ZC3HAV1: variants seen among roughly 807,000 people sequenced by gnomAD.
ZC3HAV1 encodes zinc finger CCCH-type antiviral protein 1.
In ZC3HAV1, 41 loss-of-function variants were observed where a neutral mutation model predicts 86.6. The ratio of observed to expected loss-of-function variants is 0.47; its 90% CI spans 0.37 to 0.61. The LOEUF (loss-of-function observed/expected upper bound fraction) is 0.61, where lower values mean the gene tolerates loss of function less well. Among genes scored for constraint, ZC3HAV1 ranks in the 20% least tolerant of loss-of-function variants. The probability of loss-of-function intolerance (pLI) is 0.00; values close to 1 mark genes in which losing one functional copy is unlikely to be tolerated. For synonymous variants in ZC3HAV1, 421 were observed against 432.1 expected (o/e 0.97, Z 0.32); for missense variants, 964 against 1,141.1 (o/e 0.84, Z 2.24).
At chr7:139,048,467 A>T (rs1409776419) in intron 12 of ZC3HAV1, among the ~76,000 whole-genome samples, 1 of 151,990 alleles carries the variant, frequency 6.6e-6, no homozygotes, top group Non-Finnish European at 1.5e-5. Flanking sequence ...TTAGCCGGGC[A>T]TGGTGGCGTG....
chr7:139,053,507 C>A lies in ZC3HAV1; in HGVS notation c.2393G>T (p.Cys798Phe). The A allele has an allele frequency of 6.2e-7, 1 of 1,604,082 alleles. No individual in the cohort carries two copies. The highest frequency in any genetic ancestry group is 2.2e-5 in the East Asian group (1 of 44,598). Residue 798 changes from cysteine (C) to phenylalanine (F), a missense_variant, in exon 12 of 13, where the codon TGT becomes TTT. Cys to Phe is a radical substitution (Grantham distance 205). Coordinates refer to ENST00000242351, the MANE Select transcript of ZC3HAV1 (RefSeq NM_020119.4). ...TAGGAAACTGTCAAAATTATTCGAACAGATAGATTCCACATAGGCACGGCT... is the reference window on the plus strand; with the variant it reads ...TAGGAAACTGTCAAAATTATTCGAAAAGATAGATTCCACATAGGCACGGCT... ...ATSRAYVESICSNNFDSFLHE... is the reference protein window; with the variant it reads ...ATSRAYVESIFSNNFDSFLHE...
intron 1 of ZC3HAV1, among the ~76,000 whole-genome samples, chr7:139,101,978 T>G (rs897296343): frequency 1.3e-5 from 2 of 149,622 alleles, no homozygotes; most frequent in Non-Finnish European, 3.0e-5. Flanking sequence ...AATCCCCCTC[T>G]GTGAGAAACA....
chr7:139,079,380 C>T (rs1314445706), intron 4 of ZC3HAV1, 90 bp downstream of exon 4: 1 of 1,606,836 alleles, frequency 6.2e-7, no homozygotes, highest in African/African-American at 1.3e-5. Flanking sequence ...GTTTTTTCTA[C>T]ATCAGTAGTT....
chr7:139,055,985 A>G (rs1816269666), intron 9 of ZC3HAV1, among the ~76,000 whole-genome samples: 1 of 152,228 alleles, frequency 6.6e-6, no homozygotes, highest in Non-Finnish European at 1.5e-5. Context: ...TAAAAATAGG[A>G]CAATCAGACA....
chr7:139,059,155 C>G (rs1490975306), intron 9 of ZC3HAV1, among the ~76,000 whole-genome samples: 2 of 152,182 alleles, frequency 1.3e-5, no homozygotes, highest in Non-Finnish European at 2.9e-5. Context: ...TGAACAGCCC[C>G]TCCCCATCCT....
At chr7:139,082,320 C>T (rs948785020) in intron 3 of ZC3HAV1, among the ~76,000 whole-genome samples, 2 of 138,596 alleles carry the variant, frequency 1.4e-5, no homozygotes, top group African/African-American at 5.9e-5. Flanking sequence ...CTTAGGATGG[C>T]TATTATTAAA....
At chr7:139,095,531 G>A (rs1584870091) in intron 1 of ZC3HAV1, among the ~76,000 whole-genome samples, 1 of 152,338 alleles carries the variant, frequency 6.6e-6, no homozygotes, top group East Asian at 1.9e-4. Context: ...TAAGGCTGCA[G>A]CCACGGCAAG....
chr7:139,097,035 T>C (rs1817609581), intron 1 of ZC3HAV1, among the ~76,000 whole-genome samples: 1 of 151,364 alleles, frequency 6.6e-6, no homozygotes, highest in African/African-American at 2.4e-5. Context: ...GGTGGGAGGA[T>C]TGCTTGGTGG....
chr7:139,104,457 T>TAATC (rs978041853), intron 1 of ZC3HAV1, among the ~76,000 whole-genome samples: 16 of 152,208 alleles, frequency 1.1e-4, no homozygotes, highest in Admixed American at 1.0e-3. Context: ...CTCACGCCTG[T>TAATC]AATCCCAGCA....
At chr7:139,107,993 G>T (rs903437368) in intron 1 of ZC3HAV1, among the ~76,000 whole-genome samples, 2 of 152,170 alleles carry the variant, frequency 1.3e-5, no homozygotes, top group African/African-American at 4.8e-5. Context: ...GCCAAGAAGG[G>T]AAAGAGACTT....
At position 139,046,635 on chromosome 7, in the gene ZC3HAV1, C is replaced by T. The variant is rs1815961072; in HGVS notation, c.*959G>A. On this transcript the variant is annotated 3_prime_UTR_variant, in exon 13 of 13. Coordinates refer to ENST00000242351, the MANE Select transcript of ZC3HAV1 (RefSeq NM_020119.4). ...AGTCAACCTGGATGGAGTTTGTCCCCTAAATAAATGTAGCGATAAAGAAAA... is the reference window on the plus strand; with the variant it reads ...AGTCAACCTGGATGGAGTTTGTCCCTTAAATAAATGTAGCGATAAAGAAAA... The T allele has an allele frequency of 6.6e-6, 1 of 152,190 alleles. No individual in the cohort carries two copies. 9.4% of individuals were successfully genotyped at this position (152,190 alleles called of 1,614,324 possible). A position where few individuals can be genotyped will look rare whatever the true frequency, so the allele number is the denominator to read the frequency against.
Position 139,055,200 on chromosome 7 carries a change from A to C in ZC3HAV1, c.2187+5T>G. Reference sequence around the variant, plus strand: ...CTCATCCACCAAACATGTAAAACCAAGTACCTTATATTTCTTTGAGGATAG... The same window carrying C: ...CTCATCCACCAAACATGTAAAACCACGTACCTTATATTTCTTTGAGGATAG... On this transcript the variant is annotated splice_donor_5th_base_variant and intron_variant, in intron 10 of 12. Transcript: ENST00000242351. The C allele has an allele frequency of 6.2e-7, 1 of 1,611,648 alleles. No individual in the cohort carries two copies. Among genetic ancestry groups the C allele is most frequent in the Non-Finnish European group, 8.5e-7 (1 of 1,178,350 alleles).
At chr7:139,085,204 A>T (rs1320716553) in intron 2 of ZC3HAV1, among the ~76,000 whole-genome samples, 1 of 152,220 alleles carries the variant, frequency 6.6e-6, no homozygotes. Context: ...CTTCTGGATG[A>T]TTCTGATGTC....
At chr7:139,090,575 T>G (rs967817537) in intron 1 of ZC3HAV1, among the ~76,000 whole-genome samples, 2 of 152,246 alleles carry the variant, frequency 1.3e-5, no homozygotes, top group Non-Finnish European at 2.9e-5. Context: ...TGTTTTTTCC[T>G]ATCGTGAATT....
chr7:139,062,143 T>G (rs77772343), intron 8 of ZC3HAV1, among the ~76,000 whole-genome samples: 2,268 of 152,212 alleles, frequency 0.015, 59 homozygotes, highest in African/African-American at 0.051. Flanking sequence ...GATGGAAATG[T>G]TCTATATCCT....
chr7:139,088,217 T>C (rs548355209), intron 2 of ZC3HAV1, among the ~76,000 whole-genome samples: 2 of 152,298 alleles, frequency 1.3e-5, no homozygotes, highest in African/African-American at 2.4e-5. Flanking sequence ...CAGTATTCTC[T>C]GATCCTTAAG....
intron 5 of ZC3HAV1, among the ~76,000 whole-genome samples, chr7:139,077,622 C>G (rs142148243): frequency 1.2e-3 from 182 of 152,264 alleles, no homozygotes; most frequent in Middle Eastern, 0.01. Context: ...GCTTACATCC[C>G]CCTTACATAT....
intron 11 of ZC3HAV1, 73 bp downstream of exon 11, chr7:139,053,892 A>G: frequency 6.5e-7 from 1 of 1,543,224 alleles, no homozygotes; most frequent in Non-Finnish European, 8.7e-7. Flanking sequence ...CAGTGAATAT[A>G]AATCTCAAAG....
At chr7:139,078,516 G>T in intron 5 of ZC3HAV1, 36 bp downstream of exon 5, 1 of 1,505,376 alleles carries the variant, frequency 6.6e-7, no homozygotes, top group Non-Finnish European at 9.1e-7. Context: ...ATGGCCAAAA[G>T]GTGGAAGCTT....
Sources: gnomAD v4.1 joint callset for allele counts (sites outside exome capture counted in the v4.1 genomes callset) on GRCh38, gnomAD v4.1.1 for gene constraint, MANE v1.5 for transcripts, NCBI Gene and HGNC (gene_info 2026-07-23, HGNC 2026-07-21) for gene names.